The following UGT1A3 variants were observed in gnomAD, a reference collection of about 807,000 sequenced individuals.
UGT1A3 encodes UDP glucuronosyltransferase family 1 member A3.
A neutral mutation model predicts 41.0 loss-of-function variants in UGT1A3; 31 were observed. The ratio of observed to expected loss-of-function variants is 0.76; its 90% CI spans 0.57 to 1.02. The LOEUF (loss-of-function observed/expected upper bound fraction) is 1.02. Ranked by LOEUF, UGT1A3 falls within the 50% of genes least tolerant of loss-of-function variation. UGT1A3 has a pLI of 0.00. For missense variants in UGT1A3, 737 were observed against 671.0 expected, an observed-to-expected ratio of 1.10 and a Z score of -1.09; for synonymous variants, 262 against 257.6, an observed-to-expected ratio of 1.02 and a Z score of -0.17.
Position 233,772,250 on chromosome 2 carries a change from CT to C in UGT1A3, c.1308-9del, listed in dbSNP as rs1325171114. 1.9e-6 allele frequency: 3 copies of C among 1,614,110 alleles called. No homozygotes were observed. Reference sequence around the variant, plus strand: ...GGTGTTCCAGGCATAACGAAACTGTCTTTGTGTTTAGTTACAAGGAGAACAT... The same window carrying C: ...GGTGTTCCAGGCATAACGAAACTGTCTTGTGTTTAGTTACAAGGAGAACAT... On this transcript the variant is annotated splice_polypyrimidine_tract_variant and intron_variant, in intron 4 of 4. Coordinates refer to ENST00000482026, the MANE Select transcript of UGT1A3 (RefSeq NM_019093.4).
chr2:233,741,611 T>G (rs1691716714), intron 1 of UGT1A3: 1 of 151,894 alleles, frequency 6.6e-6, no homozygotes. Context: ...CAGAGTTCAG[T>G]GTCAGACCCC....
At chr2:233,758,400 T>C (rs1696865651) in intron 1 of UGT1A3, among the ~76,000 whole-genome samples, 1 of 152,196 alleles carries the variant, frequency 6.6e-6, no homozygotes, top group African/African-American at 2.4e-5. Context: ...TTATAGCCCC[T>C]TTACTGTCTA....
intron 1 of UGT1A3, chr2:233,743,204 C>A (rs187896113): frequency 1.0e-4 from 39 of 388,848 alleles, no homozygotes; most frequent in Non-Finnish European, 1.8e-4. Flanking sequence ...GGTGTCAATG[C>A]GGAGTAACTG....
chr2:233,746,991 T>G (rs560743202), intron 1 of UGT1A3, among the ~76,000 whole-genome samples: 1 of 151,932 alleles, frequency 6.6e-6, no homozygotes, highest in Non-Finnish European at 1.5e-5. Context: ...CAGGGTCAGA[T>G]GAGTTTTTCA....
At chr2:233,753,742 T>C (rs1695292071) in intron 1 of UGT1A3, 1 of 152,200 alleles carries the variant, frequency 6.6e-6, no homozygotes, top group African/African-American at 2.4e-5. Context: ...AGCACAGCAA[T>C]AGGACAGTTT....
intron 1 of UGT1A3, among the ~76,000 whole-genome samples, chr2:233,731,890 C>A (rs2125767900): frequency 6.6e-6 from 1 of 152,340 alleles, no homozygotes; most frequent in Admixed American, 6.5e-5. Flanking sequence ...AACTAATTTA[C>A]ACTCCCACCA....
chr2:233,763,329 T>A (rs752568926), intron 1 of UGT1A3, among the ~76,000 whole-genome samples: 30 of 152,234 alleles, frequency 2.0e-4, no homozygotes, highest in Non-Finnish European at 3.5e-4. Context: ...ATTATTTTTG[T>A]TTACATTTCC....
intron 1 of UGT1A3, among the ~76,000 whole-genome samples, chr2:233,731,764 G>C (rs533999102): frequency 6.6e-6 from 1 of 152,196 alleles, no homozygotes; most frequent in East Asian, 1.9e-4. Context: ...TGTGTCCTTA[G>C]AGTAGTATCA....
At chr2:233,760,808 C>T in intron 1 of UGT1A3, 3 of 1,613,442 alleles carry the variant, frequency 1.9e-6, no homozygotes, top group Non-Finnish European at 2.5e-6. Flanking sequence ...TTCTTGCATG[C>T]ACTGCCATGC....
Position 233,767,853 on chromosome 2 carries a change from TG to T in UGT1A3, c.1005del (p.Trp336GlyfsTer31), listed in dbSNP as rs1559414567. 7 of 1,614,210 alleles carry T rather than the reference TG, an allele frequency of 4.3e-6. No homozygotes were observed. Among genetic ancestry groups the T allele is most frequent in the Non-Finnish European group, 5.9e-6 (7 of 1,180,034 alleles). ...TGCTCTTTTTGCCCCTCCCAGGTCCTGTGGCGGTACACTGGAACCCGACCAT... is the reference window on the plus strand; with the variant it reads ...TGCTCTTTTTGCCCCTCCCAGGTCCTTGGCGGTACACTGGAACCCGACCAT... Reference protein sequence around the residue: ...DALGKIPQTVLWRYTGTRPSN... With the variant: ...DALGKIPQTVXWRYTGTRPSN... On this transcript the variant is annotated frameshift_variant, in exon 3 of 5. Coordinates refer to ENST00000482026, the MANE Select transcript of UGT1A3 (RefSeq NM_019093.4). LOFTEE classifies it high-confidence loss of function.
intron 1 of UGT1A3, among the ~76,000 whole-genome samples, chr2:233,733,592 A>T (rs1213678980): frequency 6.6e-6 from 1 of 152,156 alleles, no homozygotes; most frequent in East Asian, 1.9e-4. Flanking sequence ...GGTTCTGTTT[A>T]TGTGATGGAT....
intron 1 of UGT1A3, among the ~76,000 whole-genome samples, chr2:233,734,753 G>A (rs1356285127): frequency 1.3e-5 from 2 of 152,142 alleles, no homozygotes; most frequent in Non-Finnish European, 2.9e-5. Flanking sequence ...CTTTATTTCT[G>A]CCTTCACTTC....
intron 1 of UGT1A3, chr2:233,761,110 G>A: frequency 1.9e-6 from 3 of 1,614,198 alleles, no homozygotes; most frequent in African/African-American, 1.3e-5. Context: ...TATGGTTTTT[G>A]TTGGTGGAAT....
chr2:233,734,953 A>G (rs2078590545), intron 1 of UGT1A3, among the ~76,000 whole-genome samples: 1 of 152,320 alleles, frequency 6.6e-6, no homozygotes, highest in African/African-American at 2.4e-5. Context: ...CAGTTTTAGA[A>G]TAAGTGTGAT....
At chr2:233,750,188 A>G (rs1694384114) in intron 1 of UGT1A3, among the ~76,000 whole-genome samples, 1 of 151,886 alleles carries the variant, frequency 6.6e-6, no homozygotes, top group Non-Finnish European at 1.5e-5. Context: ...AATGTTGTGG[A>G]CAATGAAGTC....
chr2:233,744,767 T>G (rs1692915618), intron 1 of UGT1A3, among the ~76,000 whole-genome samples: 1 of 151,916 alleles, frequency 6.6e-6, no homozygotes, highest in Non-Finnish European at 1.5e-5. Flanking sequence ...GTTTTAACTT[T>G]GCAAAATTCT....
intron 4 of UGT1A3, among the ~76,000 whole-genome samples, chr2:233,771,990 C>T (rs1700432517): frequency 6.6e-6 from 1 of 152,154 alleles, no homozygotes; most frequent in African/African-American, 2.4e-5. Flanking sequence ...TGGTGCATGA[C>T]TAATTCCAGC....
At chr2:233,768,066 C>A in intron 3 of UGT1A3, 130 bp downstream of exon 3, 1 of 1,597,468 alleles carries the variant, frequency 6.3e-7, no homozygotes, top group Non-Finnish European at 8.5e-7. Context: ...TGCTTTTTAT[C>A]TAGTGGGGTA....
intron 1 of UGT1A3, chr2:233,748,161 A>G: frequency 1.3e-6 from 2 of 1,596,158 alleles, no homozygotes; most frequent in South Asian, 2.3e-5. Context: ...TTGCTTCCAT[A>G]TCTACTTATC....
Sources: gnomAD v4.1 joint callset for allele counts (sites outside exome capture counted in the v4.1 genomes callset) on GRCh38, gnomAD v4.1.1 for gene constraint, MANE v1.5 for transcripts, NCBI Gene and HGNC (gene_info 2026-07-23, HGNC 2026-07-21) for gene names.